The following UTP20 variants were observed in gnomAD, a reference collection of about 807,000 sequenced individuals.
UTP20 encodes UTP20 small subunit processome component.
UTP20 carries 164 observed loss-of-function variants against 329.5 expected under a neutral mutation model. The observed-to-expected ratio is 0.50, with a 90% CI of 0.44 to 0.57. The LOEUF (loss-of-function observed/expected upper bound fraction) is 0.57. UTP20 is among the 20% of genes least tolerant of loss of function. UTP20 has a pLI of 0.00. For synonymous variants in UTP20, 1,151 were observed against 1,159.3 expected (o/e 0.99, Z 0.14); for missense variants, 3,055 against 3,284.2 (o/e 0.93, Z 1.71).
At chr12:101,371,211 GC>G in intron 51 of UTP20, 43 bp downstream of exon 51, 5 of 1,429,510 alleles carry the variant, frequency 3.5e-6, no homozygotes, top group Non-Finnish European at 4.8e-6. Flanking sequence ...GCTGGGCCCT[GC>G]CGCATCTTTG....
intron 47 of UTP20, 37 bp from the exon 48 acceptor site, chr12:101,367,823 G>T: frequency 1.5e-6 from 2 of 1,365,580 alleles, no homozygotes; most frequent in Non-Finnish European, 2.1e-6. Flanking sequence ...TGGTCTAATG[G>T]GCAACTAATG....
intron 2 of UTP20, among the ~76,000 whole-genome samples, chr12:101,284,454 G>T (rs1452856663): frequency 1.3e-5 from 2 of 152,082 alleles, no homozygotes; most frequent in African/African-American, 4.8e-5. Context: ...ATATTCCATG[G>T]TGTATATGTA....
At position 101,338,970 on chromosome 12, in the gene UTP20, T is replaced by C; in HGVS notation, c.4013+13T>C. 6.4e-7 allele frequency: 1 copy of C among 1,572,916 alleles called. No individual in the cohort carries two copies. The highest frequency in any genetic ancestry group is 8.6e-7 in the Non-Finnish European group (1 of 1,167,762). On this transcript the variant is annotated intron_variant, in intron 31 of 61. Coordinates refer to ENST00000261637, the MANE Select transcript of UTP20 (RefSeq NM_014503.3). ...GCATTCTTTCAAAGTAAGTGATATG[T>C]TGATACTTAAAAGATAACATTACCA... is the stretch of plus-strand genomic sequence containing the variant.
At chr12:101,345,496 A>C in intron 36 of UTP20, 58 bp from the exon 37 acceptor site, 19 of 1,104,266 alleles carry the variant, frequency 1.7e-5, no homozygotes, top group Non-Finnish European at 2.4e-5. Flanking sequence ...CTGTTTCCTC[A>C]TATTAGAAAC....
chr12:101,308,861 T>C (rs1872707607), intron 18 of UTP20, among the ~76,000 whole-genome samples: 1 of 151,942 alleles, frequency 6.6e-6, no homozygotes, highest in African/African-American at 2.4e-5. Context: ...GCCTCCCGAG[T>C]TGCTGGAACT....
chr12:101,346,313 G>C (rs1013514182), intron 37 of UTP20, 138 bp from the exon 38 acceptor site: 4 of 990,912 alleles, frequency 4.0e-6, no homozygotes, highest in Non-Finnish European at 5.6e-6. Context: ...GGCCTCCCGA[G>C]TGCTAGGATT....
At chr12:101,342,916 A>G in intron 34 of UTP20, 25 bp from the exon 35 acceptor site, 2 of 1,609,646 alleles carry the variant, frequency 1.2e-6, no homozygotes, top group Non-Finnish European at 1.7e-6. Context: ...CTTCTTTTAT[A>G]TAACTTCAAT....
chr12:101,371,311 G>A (rs1870280260), intron 51 of UTP20, 143 bp downstream of exon 51: 1 of 613,452 alleles, frequency 1.6e-6, no homozygotes, highest in Non-Finnish European at 2.6e-6. Context: ...CCTGGTGCAG[G>A]TGGTCAGGGG....
intron 40 of UTP20, among the ~76,000 whole-genome samples, chr12:101,354,233 G>A (rs1333095064): frequency 1.5e-5 from 2 of 135,014 alleles, no homozygotes; most frequent in African/African-American, 5.7e-5. Context: ...CTGTACTCCA[G>A]CCTGGGTGAC....
chr12:101,307,935 T>G (rs1448976204), intron 17 of UTP20, among the ~76,000 whole-genome samples: 1 of 152,212 alleles, frequency 6.6e-6, no homozygotes, highest in Non-Finnish European at 1.5e-5. Flanking sequence ...CCAATCAATT[T>G]GAGTGACTTG....
chr12:101,366,143 A>G (rs1870089023), intron 46 of UTP20, among the ~76,000 whole-genome samples: 2 of 152,132 alleles, frequency 1.3e-5, no homozygotes, highest in Non-Finnish European at 2.9e-5. Context: ...GAGGCAGGAG[A>G]ATCACTTGAA....
At chr12:101,348,163 A>G (rs569118239) in intron 38 of UTP20, among the ~76,000 whole-genome samples, 1 of 152,170 alleles carries the variant, frequency 6.6e-6, no homozygotes, top group Admixed American at 6.5e-5. Flanking sequence ...TTTTTAACCT[A>G]ATTATGACTT....
At chr12:101,374,648 T>C (rs1870412466) in intron 54 of UTP20, among the ~76,000 whole-genome samples, 160 bp from the exon 55 acceptor site, 1 of 152,254 alleles carries the variant, frequency 6.6e-6, no homozygotes, top group Admixed American at 6.5e-5. Context: ...ATTTTGTATA[T>C]TGGCCATCAA....
chr12:101,302,281 C>T (rs1314936898), intron 14 of UTP20, among the ~76,000 whole-genome samples, 167 bp from the exon 15 acceptor site: 2 of 152,118 alleles, frequency 1.3e-5, no homozygotes, highest in Non-Finnish European at 1.5e-5. Flanking sequence ...CTTCTCTTTT[C>T]TGTTTCTTTC....
At position 101,365,371 on chromosome 12, in the gene UTP20, A is replaced by T. The variant is rs533658071; in HGVS notation, c.5959-88A>T. The T allele has an allele frequency of 3.3e-6, 3 of 906,692 alleles. No homozygotes were observed. In the South Asian group the frequency reaches 6.0e-5, roughly 18 times the overall value. 56.2% of individuals were successfully genotyped at this position (906,692 alleles called of 1,614,324 possible). ...GGAGAAAGCCAAACGTATATTAGAA[A>T]GCTAATATATAAAAGAAAACTGCCA... is the stretch of plus-strand genomic sequence containing the variant. On this transcript the variant is annotated intron_variant, in intron 45 of 61. Transcript: ENST00000261637.
chr12:101,381,898 A>G (rs377686691), intron 58 of UTP20, among the ~76,000 whole-genome samples: 7 of 151,808 alleles, frequency 4.6e-5, no homozygotes, highest in African/African-American at 1.5e-4. Flanking sequence ...GCATGCCTGT[A>G]GTCCCAGCTA....
rs188023477 is a variant in UTP20 at position 101,373,184 on chromosome 12, A to C, written c.6879-217A>C. Among the ~76,000 whole-genome samples, 793 of 152,312 alleles carry C rather than the reference A, an allele frequency of 5.2e-3. 2 individuals are homozygous for C. The highest frequency in any genetic ancestry group is 0.012 in the South Asian group (57 of 4,826). On this transcript the variant is annotated intron_variant, in intron 52 of 61. Coordinates refer to ENST00000261637, the MANE Select transcript of UTP20 (RefSeq NM_014503.3). ...TAATTTAACCGTTGATTGTCATAAG[A>C]GTCCACTTAGGAGAATGTTGAAATC...
At chr12:101,306,517 C>T (rs1872644703) in intron 16 of UTP20, among the ~76,000 whole-genome samples, 182 bp from the exon 17 acceptor site, 1 of 152,030 alleles carries the variant, frequency 6.6e-6, no homozygotes, top group Non-Finnish European at 1.5e-5. Flanking sequence ...GTTCCATGTA[C>T]TATTTTAACT....
chr12:101,385,296 T>C (rs1870788135), intron 60 of UTP20, among the ~76,000 whole-genome samples: 1 of 152,168 alleles, frequency 6.6e-6, no homozygotes, highest in African/African-American at 2.4e-5. Context: ...GTGGGCCTCA[T>C]GTTCTCTGAT....
Sources: allele counts gnomAD v4.1 joint callset (sites outside exome capture counted in the v4.1 genomes callset), GRCh38; gene constraint gnomAD v4.1.1; transcripts MANE v1.5; gene names NCBI Gene and HGNC (gene_info 2026-07-23, HGNC 2026-07-21).